Variants in PTPRD observed in about 807,000 individuals in gnomAD.
PTPRD encodes the protein receptor-type tyrosine-protein phosphatase delta.
In PTPRD, 34 loss-of-function variants were observed where a neutral mutation model predicts 214.5. The observed-to-expected ratio is 0.16, with a 90% CI of 0.12 to 0.21. The LOEUF (loss-of-function observed/expected upper bound fraction) is 0.21, where lower values mean the gene tolerates loss of function less well. Among genes scored for constraint, PTPRD ranks in the 10% least tolerant of loss-of-function variants. The pLI, the probability that PTPRD is intolerant of heterozygous loss-of-function variation, is 1.00. For missense variants in PTPRD, 2,545 were observed against 2,398.7 expected (o/e 1.06, Z -1.27); for synonymous variants, 1,128 against 845.7 (o/e 1.33, Z -5.79).
intron 11 of PTPRD, among the ~76,000 whole-genome samples, chr9:8,813,908 C>G (rs2096868119): frequency 6.6e-6 from 1 of 152,208 alleles, no homozygotes; most frequent in South Asian, 2.1e-4. Flanking sequence ...CCATTTTCCC[C>G]TCTCCGAGTC....
chr9:8,532,020 T>C (rs565997950), intron 14 of PTPRD, among the ~76,000 whole-genome samples: 2 of 152,018 alleles, frequency 1.3e-5, no homozygotes, highest in African/African-American at 4.8e-5. Flanking sequence ...ACAAAGATAA[T>C]CTTTCTTGCA....
intron 9 of PTPRD, among the ~76,000 whole-genome samples, chr9:9,187,396 A>G (rs1441961947): frequency 4.6e-5 from 7 of 152,072 alleles, no homozygotes; most frequent in Non-Finnish European, 1.5e-5. Context: ...GGTAAGTAAA[A>G]TTCCAGGAAA....
At position 8,486,074 on chromosome 9, in the gene PTPRD, C is replaced by T. The variant is rs754241433; in HGVS notation, c.2743G>A (p.Glu915Lys). 3 of 1,614,146 alleles carry T rather than the reference C, an allele frequency of 1.9e-6. No homozygotes were observed. Among genetic ancestry groups the T allele is most frequent in the East Asian group, 2.2e-5 (1 of 44,872 alleles). ...TGAGGGAATCCAGTTGGTACTTCTT[C>T]TGGAATGGAAATCTCCTTCACCATC... ...EEMVKEISIP[E>K]EVPTGFPQNL... The change falls in exon 28 of 46, where the codon GAA (glutamate) becomes AAA (lysine). Residue 915 changes from glutamate to lysine, a missense_variant. By Grantham distance (56) the Glu-to-Lys change is moderately conservative. Coordinates refer to ENST00000381196, the MANE Select transcript of PTPRD (RefSeq NM_002839.4).
At chr9:9,052,011 T>C (rs758768838) in intron 10 of PTPRD, among the ~76,000 whole-genome samples, 3 of 152,200 alleles carry the variant, frequency 2.0e-5, no homozygotes, top group African/African-American at 7.2e-5. Context: ...AAAAATACCA[T>C]AGACTGGATG....
intron 5 of PTPRD, among the ~76,000 whole-genome samples, chr9:9,911,650 A>G (rs2079218331): frequency 6.6e-6 from 1 of 152,128 alleles, no homozygotes; most frequent in Admixed American, 6.5e-5. Context: ...TTGCTTTTAT[A>G]TTTCCCTTTA....
At chr9:9,976,476 T>C (rs1475532689) in intron 4 of PTPRD, among the ~76,000 whole-genome samples, 1 of 151,566 alleles carries the variant, frequency 6.6e-6, no homozygotes, top group Non-Finnish European at 1.5e-5. Flanking sequence ...AACCTTTGCC[T>C]CCTGAGTTCA....
intron 3 of PTPRD, among the ~76,000 whole-genome samples, chr9:10,312,861 T>G (rs1596792707): frequency 6.6e-6 from 1 of 152,012 alleles, no homozygotes; most frequent in African/African-American, 2.4e-5. Context: ...AATGTAATTT[T>G]ATGAAATATA....
intron 2 of PTPRD, among the ~76,000 whole-genome samples, chr9:10,511,674 A>G (rs955355219): frequency 7.3e-5 from 11 of 149,796 alleles, no homozygotes; most frequent in Non-Finnish European, 1.3e-4. Context: ...TAGGCCTCCC[A>G]AAGTGCTGAG....
At chr9:9,694,797 C>G (rs2097340430) in intron 7 of PTPRD, among the ~76,000 whole-genome samples, 1 of 152,090 alleles carries the variant, frequency 6.6e-6, no homozygotes. Flanking sequence ...CGCTTAAAGA[C>G]AAAGCACTCT....
At position 8,827,633 on chromosome 9, in the gene PTPRD, G is replaced by C. The variant is rs1440388438; in HGVS notation, c.-103-93687C>G. ...AACAAACAAAAAAAATTAGGTTTTT[G>C]CCACAGAAAGTAACCAAATTCCTTT... On this transcript the variant is annotated intron_variant, in intron 11 of 45. Transcript: ENST00000381196. Among the ~76,000 whole-genome samples the C allele has an allele frequency of 7.2e-5, 11 of 152,140 alleles. No homozygotes were observed. The East Asian group carries it at 2.1e-3, about 29-fold the overall frequency.
intron 3 of PTPRD, among the ~76,000 whole-genome samples, chr9:10,173,566 A>G (rs1220340697): frequency 6.6e-6 from 1 of 152,144 alleles, no homozygotes; most frequent in Admixed American, 6.5e-5. Flanking sequence ...ACATAGGAAT[A>G]TTCTCCTTTA....
intron 9 of PTPRD, among the ~76,000 whole-genome samples, chr9:9,219,991 C>G (rs1489226824): frequency 6.6e-6 from 1 of 152,106 alleles, no homozygotes; most frequent in Admixed American, 6.6e-5. Context: ...TATACAAACT[C>G]ATATTGAAAT....
chr9:10,440,608 C>G (rs1375815379), intron 2 of PTPRD, among the ~76,000 whole-genome samples: 1 of 151,548 alleles, frequency 6.6e-6, no homozygotes, highest in African/African-American at 2.4e-5. Flanking sequence ...AATCAGGAAC[C>G]ACAGCAAAAG....
At chr9:9,485,597 A>G (rs1417856128) in intron 8 of PTPRD, among the ~76,000 whole-genome samples, 1 of 152,186 alleles carries the variant, frequency 6.6e-6, no homozygotes, top group Non-Finnish European at 1.5e-5. Flanking sequence ...CTTAACAAAG[A>G]AATTACGTGA....
chr9:10,107,659 T>G (rs12553705), intron 3 of PTPRD, among the ~76,000 whole-genome samples: 8,007 of 152,172 alleles, frequency 0.053, 275 homozygotes, highest in Admixed American at 0.1. Context: ...AATATAAGTT[T>G]AATCCAGATA....
At chr9:9,969,197 C>A (rs1001841791) in intron 4 of PTPRD, among the ~76,000 whole-genome samples, 1 of 152,018 alleles carries the variant, frequency 6.6e-6, no homozygotes, top group Non-Finnish European at 1.5e-5. Context: ...TAGGATTTAG[C>A]GATCAAAGAA....
At chr9:10,536,887 A>T (rs1337153574) in intron 2 of PTPRD, among the ~76,000 whole-genome samples, 1 of 152,156 alleles carries the variant, frequency 6.6e-6, no homozygotes, top group African/African-American at 2.4e-5. Context: ...GTAATTGGCA[A>T]TGCTTTATTT....
chr9:9,787,951 T>C (rs545478297), intron 5 of PTPRD, among the ~76,000 whole-genome samples: 5 of 151,628 alleles, frequency 3.3e-5, no homozygotes, highest in African/African-American at 1.2e-4. Flanking sequence ...CTGGCTAATT[T>C]TTTGTGTTTT....
intron 3 of PTPRD, among the ~76,000 whole-genome samples, chr9:10,113,733 C>T (rs1467681307): frequency 2.0e-5 from 3 of 152,144 alleles, no homozygotes; most frequent in Admixed American, 6.5e-5. Flanking sequence ...GACAATGCTT[C>T]GCCACTTTAA....
Sources: gnomAD v4.1 joint callset for allele counts (sites outside exome capture counted in the v4.1 genomes callset) on GRCh38, gnomAD v4.1.1 for gene constraint, MANE v1.5 for transcripts, NCBI Gene and HGNC (gene_info 2026-07-23, HGNC 2026-07-21) for gene names.